FAM81B: variants seen among roughly 807,000 people sequenced by gnomAD.
The protein encoded by FAM81B is family with sequence similarity 81 member B.
In FAM81B, 60 loss-of-function variants were observed where a neutral mutation model predicts 58.7. The observed-to-expected ratio is 1.02, with a 90% CI of 0.83 to 1.27. FAM81B has a LOEUF of 1.27. FAM81B is among the 50% of genes most tolerant of loss of function. FAM81B has a pLI of 0.00. For synonymous variants in FAM81B, 189 were observed against 179.6 expected, an observed-to-expected ratio of 1.05 and a Z score of -0.42; for missense variants, 491 against 522.0, an observed-to-expected ratio of 0.94 and a Z score of 0.58.
intron 3 of FAM81B, among the ~76,000 whole-genome samples, chr5:95,408,198 CA>C (rs35567523): frequency 9.2e-5 from 14 of 151,820 alleles, no homozygotes; most frequent in Admixed American, 5.2e-4. Context: ...AAAGGCACAA[CA>C]AAACTAGCTT....
At chr5:95,426,415 T>C (rs1762831576) in intron 5 of FAM81B, among the ~76,000 whole-genome samples, 1 of 152,084 alleles carries the variant, frequency 6.6e-6, no homozygotes, top group African/African-American at 2.4e-5. Context: ...GGGTGGTGGT[T>C]AGGGGAGGTG....
At chr5:95,395,153 T>C (rs1761929545) in intron 2 of FAM81B, among the ~76,000 whole-genome samples, 1 of 152,148 alleles carries the variant, frequency 6.6e-6, no homozygotes, top group South Asian at 2.1e-4. Flanking sequence ...ATTTAAGGCA[T>C]TTTCGGCTGG....
At chr5:95,446,769 AT>A in intron 8 of FAM81B, 72 bp downstream of exon 8, 1 of 1,552,274 alleles carries the variant, frequency 6.4e-7, no homozygotes, top group Non-Finnish European at 8.7e-7. Flanking sequence ...AGGTCTGGGA[AT>A]TTGTACTTCA....
At chr5:95,440,602 A>G (rs1180237475) in intron 7 of FAM81B, 1 of 688,024 alleles carries the variant, frequency 1.5e-6, no homozygotes, top group Non-Finnish European at 2.4e-6. Flanking sequence ...AGAGAGCTAC[A>G]GACAAAAATT....
At chr5:95,425,896 G>T (rs574024151) in intron 5 of FAM81B, among the ~76,000 whole-genome samples, 1 of 151,514 alleles carries the variant, frequency 6.6e-6, no homozygotes, top group Non-Finnish European at 1.5e-5. Context: ...TCCAATCTAT[G>T]ATAGCTTTTT....
At chr5:95,446,782 C>T in intron 8 of FAM81B, 85 bp downstream of exon 8, 2 of 1,500,312 alleles carry the variant, frequency 1.3e-6, no homozygotes, top group South Asian at 2.4e-5. Context: ...TGTACTTCAA[C>T]ATTTATGGTA....
chr5:95,444,483 G>C (rs1186890486), intron 7 of FAM81B, among the ~76,000 whole-genome samples: 1 of 152,194 alleles, frequency 6.6e-6, no homozygotes, highest in Non-Finnish European at 1.5e-5. Flanking sequence ...TTCTGAGGAA[G>C]AGTATTCCAG....
intron 7 of FAM81B, chr5:95,439,917 G>T (rs1046501180): frequency 1.5e-4 from 37 of 246,982 alleles, no homozygotes; most frequent in African/African-American, 7.3e-4. Context: ...TACCCAGGAG[G>T]CTGAGGCAAG....
intron 5 of FAM81B, chr5:95,424,321 T>A: frequency 2.1e-6 from 2 of 971,954 alleles, no homozygotes; most frequent in Middle Eastern, 3.9e-4. Context: ...AGATAATAGA[T>A]ACATAAAACA....
At chr5:95,420,821 G>T (rs1435957501) in intron 5 of FAM81B, among the ~76,000 whole-genome samples, 2 of 152,200 alleles carry the variant, frequency 1.3e-5, no homozygotes, top group African/African-American at 4.8e-5. Flanking sequence ...AACATCTTTT[G>T]TACAAGATTT....
intron 9 of FAM81B, chr5:95,448,695 T>A: frequency 5.7e-6 from 1 of 174,760 alleles, no homozygotes. Flanking sequence ...TGGTGTGAAT[T>A]TTTTTTTTTT....
intron 6 of FAM81B, among the ~76,000 whole-genome samples, chr5:95,434,591 G>A (rs994103172): frequency 6.6e-6 from 1 of 152,136 alleles, no homozygotes; most frequent in Non-Finnish European, 1.5e-5. Context: ...CACCTTCACA[G>A]GTTTCAGACT....
In FAM81B at chr5:95,420,415, A is replaced by G. The variant is rs377479456; in HGVS notation, c.656+13A>G. On this transcript the variant is annotated intron_variant, in intron 5 of 9. Transcript: ENST00000283357. ...GAAGAGTAGCCAGGTGAGAAGAAGC[A>G]TGTTGACTAATGTTTAACAGTGAAT... 5.0e-6 allele frequency: 8 copies of G among 1,613,078 alleles called. No homozygotes were observed. The African/African-American group carries it at 9.3e-5, about 19-fold the overall frequency.
At chr5:95,409,486 TAATGTGGCTA>T (rs1468797742) in intron 3 of FAM81B, among the ~76,000 whole-genome samples, 3 of 151,388 alleles carry the variant, frequency 2.0e-5, no homozygotes, top group African/African-American at 4.9e-5. Flanking sequence ...GAATTTTTCT[TAATGTGGCTA>T]TTAGAAAGTT....
In FAM81B at chr5:95,428,615, C is replaced by G. The variant is rs1472705658; in HGVS notation, c.669C>G (p.Ser223Arg). 2.5e-6 allele frequency: 4 copies of G among 1,613,774 alleles called. No homozygotes were observed. The African/African-American group carries it at 5.3e-5, about 22-fold the overall frequency. Residue 223 changes from serine (S) to arginine (R), a missense_variant, in exon 6 of 10, where the codon AGC becomes AGG. Physicochemically the swap from Ser to Arg is moderately radical, Grantham distance 110 (BLOSUM62 -1). Coordinates refer to ENST00000283357, the MANE Select transcript of FAM81B (RefSeq NM_152548.3). ...LRGRVARCDSSIVKLSGDIHL... is the reference protein window; with the variant it reads ...LRGRVARCDSRIVKLSGDIHL... Reference sequence around the variant, plus strand: ...ATCTTGCCATTAGATGTGATTCAAGCATTGTGAAGCTTTCTGGAGACATTC... The same window carrying G: ...ATCTTGCCATTAGATGTGATTCAAGGATTGTGAAGCTTTCTGGAGACATTC...
At chr5:95,405,414 CT>C (rs1171450577) in intron 3 of FAM81B, among the ~76,000 whole-genome samples, 1 of 152,078 alleles carries the variant, frequency 6.6e-6, no homozygotes. Context: ...TATATTTATC[CT>C]ACCTTTTATT....
At chr5:95,397,253 T>C (rs1296078308) in intron 3 of FAM81B, among the ~76,000 whole-genome samples, 3 of 152,200 alleles carry the variant, frequency 2.0e-5, no homozygotes, top group Non-Finnish European at 4.4e-5. Context: ...TATATGACTA[T>C]GAGTCTATGA....
At chr5:95,403,429 C>T (rs565615750) in intron 3 of FAM81B, among the ~76,000 whole-genome samples, 1 of 152,188 alleles carries the variant, frequency 6.6e-6, no homozygotes, top group East Asian at 1.9e-4. Context: ...TTAGTAAGTA[C>T]TTAATGTATC....
chr5:95,414,795 T>A (rs900052003), intron 4 of FAM81B, among the ~76,000 whole-genome samples: 1 of 152,210 alleles, frequency 6.6e-6, no homozygotes, highest in Non-Finnish European at 1.5e-5. Flanking sequence ...AGGATTTGCA[T>A]GACATTTTAT....
Sources: allele counts gnomAD v4.1 joint callset (sites outside exome capture counted in the v4.1 genomes callset), GRCh38; gene constraint gnomAD v4.1.1; transcripts MANE v1.5; gene names NCBI Gene and HGNC (gene_info 2026-07-23, HGNC 2026-07-21).